PTPRR: variants seen among roughly 807,000 people sequenced by gnomAD.
PTPRR encodes receptor-type tyrosine-protein phosphatase R.
A neutral mutation model predicts 77.2 loss-of-function variants in PTPRR; 38 were observed. The observed-to-expected ratio is 0.49, with a 90% CI of 0.38 to 0.65. PTPRR has a LOEUF of 0.65. Ranked by LOEUF, PTPRR falls within the 30% of genes least tolerant of loss-of-function variation. The pLI, the probability that PTPRR is intolerant of heterozygous loss-of-function variation, is 0.00. For synonymous variants in PTPRR, 299 were observed against 283.1 expected, an observed-to-expected ratio of 1.06 and a Z score of -0.57; for missense variants, 744 against 799.2, an observed-to-expected ratio of 0.93 and a Z score of 0.83.
intron 2 of PTPRR, among the ~76,000 whole-genome samples, chr12:70,884,427 C>T (rs562174045): frequency 6.5e-4 from 99 of 152,194 alleles, no homozygotes; most frequent in African/African-American, 2.3e-3. Context: ...AAAAGGCATA[C>T]GGGAGAACAG....
At chr12:70,713,400 TG>T (rs1888902363) in intron 6 of PTPRR, among the ~76,000 whole-genome samples, 1 of 152,200 alleles carries the variant, frequency 6.6e-6, no homozygotes, top group South Asian at 2.1e-4. Flanking sequence ...TCATTTCTTT[TG>T]GGTATACACC....
intron 2 of PTPRR, among the ~76,000 whole-genome samples, chr12:70,780,964 C>A (rs770946086): frequency 6.6e-6 from 1 of 152,140 alleles, no homozygotes; most frequent in Non-Finnish European, 1.5e-5. Flanking sequence ...AGGCATTGTC[C>A]CTGCAGGAGA....
chr12:70,663,154 A>T (rs112255639), intron 10 of PTPRR, among the ~76,000 whole-genome samples: 2 of 152,220 alleles, frequency 1.3e-5, no homozygotes, highest in African/African-American at 4.8e-5. Context: ...CTATGGTATT[A>T]TATTTTCCCG....
intron 1 of PTPRR, among the ~76,000 whole-genome samples, chr12:70,902,191 C>G (rs1034813337): frequency 4.0e-5 from 6 of 151,726 alleles, no homozygotes; most frequent in African/African-American, 1.5e-4. Flanking sequence ...ATGCAGTGAT[C>G]AGGGAACACT....
At chr12:70,762,017 T>A (rs180722222) in intron 3 of PTPRR, among the ~76,000 whole-genome samples, 1 of 152,324 alleles carries the variant, frequency 6.6e-6, no homozygotes, top group African/African-American at 2.4e-5. Flanking sequence ...ATTACAAAAT[T>A]ACATATTAGA....
chr12:70,651,921 C>A (rs758946161), intron 13 of PTPRR, among the ~76,000 whole-genome samples: 4 of 151,522 alleles, frequency 2.6e-5, no homozygotes, highest in African/African-American at 9.7e-5. Context: ...AAAATTAGGC[C>A]AAGATGCTTC....
At chr12:70,840,278 C>T (rs900738656) in intron 2 of PTPRR, among the ~76,000 whole-genome samples, 1 of 152,056 alleles carries the variant, frequency 6.6e-6, no homozygotes, top group African/African-American at 2.4e-5. Flanking sequence ...ATCTCCAAAG[C>T]CAGAATAGCC....
intron 6 of PTPRR, among the ~76,000 whole-genome samples, chr12:70,715,601 C>T (rs956514147): frequency 1.3e-5 from 2 of 152,186 alleles, no homozygotes; most frequent in African/African-American, 4.8e-5. Context: ...CAGAGACCCA[C>T]CCCCAGGCGC....
intron 5 of PTPRR, among the ~76,000 whole-genome samples, chr12:70,750,817 AC>A (rs2136940539): frequency 6.6e-6 from 1 of 151,986 alleles, no homozygotes; most frequent in Admixed American, 6.6e-5. Flanking sequence ...GTAGCCTCAA[AC>A]CCCTGGGCTC....
At chr12:70,750,835 T>A (rs1312275845) in intron 5 of PTPRR, among the ~76,000 whole-genome samples, 1 of 151,908 alleles carries the variant, frequency 6.6e-6, no homozygotes, top group African/African-American at 2.4e-5. Context: ...GCTCAAGTGC[T>A]CCTCCCCGTC....
At chr12:70,692,717 T>C (rs1410954219) in intron 8 of PTPRR, among the ~76,000 whole-genome samples, 1 of 152,220 alleles carries the variant, frequency 6.6e-6, no homozygotes, top group Non-Finnish European at 1.5e-5. Flanking sequence ...TCCTCATTAC[T>C]CAGGGCTCAA....
intron 1 of PTPRR, among the ~76,000 whole-genome samples, chr12:70,894,515 A>C (rs896319493): frequency 6.6e-6 from 1 of 151,754 alleles, no homozygotes; most frequent in African/African-American, 2.4e-5. Flanking sequence ...GATATCAGAT[A>C]GTTTTTCAGA....
At chr12:70,802,721 C>T (rs1464525330) in intron 2 of PTPRR, among the ~76,000 whole-genome samples, 1 of 152,114 alleles carries the variant, frequency 6.6e-6, no homozygotes, top group East Asian at 1.9e-4. Flanking sequence ...GATGTCTATG[C>T]CAGGGATTCT....
At chr12:70,823,723 A>G (rs2458441) in intron 2 of PTPRR, among the ~76,000 whole-genome samples, 42,437 of 151,918 alleles carry the variant, frequency 0.28, 8,258 homozygotes, top group African/African-American at 0.56. Context: ...CTGCCTGCCA[A>G]GGGACAGGTC....
intron 1 of PTPRR, among the ~76,000 whole-genome samples, chr12:70,920,118 A>G (rs1231738276): frequency 5.3e-5 from 8 of 152,152 alleles, no homozygotes; most frequent in African/African-American, 7.2e-5. Flanking sequence ...TTTCGTATAA[A>G]GTAAAGAAAA....
At chr12:70,652,196 G>A (rs1566043712) in intron 13 of PTPRR, among the ~76,000 whole-genome samples, 1 of 152,084 alleles carries the variant, frequency 6.6e-6, no homozygotes, top group Non-Finnish European at 1.5e-5. Context: ...TCCCTTTACT[G>A]CCATGAGCCA....
At chr12:70,904,689 T>C (rs1893594548) in intron 1 of PTPRR, among the ~76,000 whole-genome samples, 2 of 151,928 alleles carry the variant, frequency 1.3e-5, no homozygotes, top group African/African-American at 2.4e-5. Flanking sequence ...TACTATGTTT[T>C]GTAAGCTACT....
chr12:70,866,363 C>T (rs1290574425), intron 2 of PTPRR, among the ~76,000 whole-genome samples: 1 of 151,888 alleles, frequency 6.6e-6, no homozygotes, highest in African/African-American at 2.4e-5. Context: ...ACCACCGATC[C>T]CACAGAAATA....
intron 2 of PTPRR, among the ~76,000 whole-genome samples, chr12:70,772,308 T>C (rs1213286549): frequency 6.6e-6 from 1 of 152,064 alleles, no homozygotes; most frequent in East Asian, 1.9e-4. Context: ...AATAACGAGA[T>C]TGGTTTACAT....
Sources: gnomAD v4.1 joint callset for allele counts (sites outside exome capture counted in the v4.1 genomes callset) on GRCh38, gnomAD v4.1.1 for gene constraint, MANE v1.5 for transcripts, NCBI Gene and HGNC (gene_info 2026-07-23, HGNC 2026-07-21) for gene names.